RGS6: variants seen among roughly 807,000 people sequenced by gnomAD.
The protein encoded by RGS6 is regulator of G protein signaling 6.
Under a neutral mutation model 78.5 loss-of-function variants are expected in RGS6, and 30 were observed. The observed-to-expected ratio is 0.38, with a 90% CI of 0.29 to 0.52. RGS6 has a LOEUF of 0.52. Ranked by LOEUF, RGS6 falls within the 20% of genes least tolerant of loss-of-function variation. The probability of loss-of-function intolerance (pLI) is 0.85; values close to 1 mark genes in which losing one functional copy is unlikely to be tolerated. For missense variants in RGS6, 495 were observed against 609.7 expected (o/e 0.81, Z 1.98); for synonymous variants, 206 against 206.0 (o/e 1.00, Z 0.00).
chr14:71,902,343 C>T, the RGS6 span, among the ~76,000 whole-genome samples: 2 of 152,152 alleles, frequency 1.3e-5, no homozygotes, highest in African/African-American at 4.8e-5. Context: ...TCCATAGTCA[C>T]TTGAATGATG....
the RGS6 span, among the ~76,000 whole-genome samples, chr14:72,581,842 G>T: frequency 1.3e-5 from 2 of 152,158 alleles, no homozygotes; most frequent in East Asian, 1.9e-4. Flanking sequence ...TCTGTTTTGT[G>T]TTGCTATAAC....
chr14:72,548,736 C>T (rs868180592), intron 17 of RGS6, among the ~76,000 whole-genome samples: 1 of 152,142 alleles, frequency 6.6e-6, no homozygotes, highest in South Asian at 2.1e-4. Flanking sequence ...TGATGGCCAC[C>T]GTGAGCTCTT....
At chr14:72,548,429 G>GT (rs921866863) in intron 17 of RGS6, among the ~76,000 whole-genome samples, 3 of 149,996 alleles carry the variant, frequency 2.0e-5, no homozygotes, top group African/African-American at 7.4e-5. Context: ...TAAAAATCAA[G>GT]TTTAAAAAAA....
chr14:72,065,820 G>A (rs915510160), intron 2 of RGS6, among the ~76,000 whole-genome samples: 1 of 151,736 alleles, frequency 6.6e-6, no homozygotes, highest in East Asian at 1.9e-4. Flanking sequence ...TGTGCACAAT[G>A]TGCAGGTTAG....
intron 2 of RGS6, among the ~76,000 whole-genome samples, chr14:72,342,975 G>A (rs1390742602): frequency 6.6e-6 from 1 of 152,150 alleles, no homozygotes; most frequent in Non-Finnish European, 1.5e-5. Flanking sequence ...AGAGTTTGGG[G>A]AAATCCACCC....
Position 72,012,625 on chromosome 14 carries a change from G to A in RGS6, c.84+47750G>A, listed in dbSNP as rs2086013207. Reference sequence around the variant, plus strand: ...ACCATACATATCTGTGATGTTTCCTGACAAGATTCCTAAAAGTAGCACCTT... The same window carrying A: ...ACCATACATATCTGTGATGTTTCCTAACAAGATTCCTAAAAGTAGCACCTT... On this transcript the variant is annotated intron_variant, in intron 2 of 17. Transcript: ENST00000553525. Among the ~76,000 whole-genome samples the A allele has an allele frequency of 2.0e-5, 3 of 152,152 alleles. No individual in the cohort carries two copies. The South Asian group carries it at 6.2e-4, about 32-fold the overall frequency.
intron 2 of RGS6, among the ~76,000 whole-genome samples, chr14:72,103,709 A>C (rs2095573104): frequency 6.6e-6 from 1 of 152,236 alleles, no homozygotes; most frequent in Non-Finnish European, 1.5e-5. Flanking sequence ...GCTTGTTCCC[A>C]CAGTGGAGAC....
At chr14:72,224,589 G>C (rs1348362007) in intron 2 of RGS6, among the ~76,000 whole-genome samples, 1 of 152,054 alleles carries the variant, frequency 6.6e-6, no homozygotes. Context: ...AAGAATCATG[G>C]ATATGCTCAA....
chr14:72,156,797 G>C (rs780686654), intron 2 of RGS6, among the ~76,000 whole-genome samples: 1 of 152,182 alleles, frequency 6.6e-6, no homozygotes, highest in African/African-American at 2.4e-5. Context: ...CCTGATTGGC[G>C]TGCCCACACT....
At position 72,540,888 on chromosome 14, in the gene RGS6, A is replaced by G. The variant is rs190032905; in HGVS notation, c.1422+794A>G. On this transcript the variant is annotated intron_variant, in intron 17 of 17. Transcript: ENST00000553525. ...GCTCCCCACAGTGGCACATAAAGACAGCCGTGGCAACAGGTGGGAGTGGGG... is the reference window on the plus strand; with the variant it reads ...GCTCCCCACAGTGGCACATAAAGACGGCCGTGGCAACAGGTGGGAGTGGGG... 1,493 of 985,422 alleles carry G rather than the reference A, an allele frequency of 1.5e-3. 3 individuals are homozygous for G. Among genetic ancestry groups the G allele is most frequent in the Non-Finnish European group, 1.7e-3 (1,435 of 829,926 alleles). The allele number at this position is 985,422 out of a possible 1,614,324, so 61.0% of individuals were successfully genotyped here. A position where few individuals can be genotyped will look rare whatever the true frequency, so the allele number is the denominator to read the frequency against.
intron 9 of RGS6, chr14:72,474,132 T>A (rs1255258108): frequency 6.6e-6 from 1 of 152,432 alleles, no homozygotes; most frequent in Non-Finnish European, 1.5e-5. Context: ...GCAGGCAAAT[T>A]CACAAATGCA....
intron 6 of RGS6, among the ~76,000 whole-genome samples, chr14:72,464,277 C>G (rs1206503911): frequency 6.6e-6 from 1 of 152,174 alleles, no homozygotes; most frequent in Non-Finnish European, 1.5e-5. Context: ...TTCATAGAAG[C>G]AACACTCTCT....
At chr14:72,036,957 G>A (rs2091799549) in intron 2 of RGS6, among the ~76,000 whole-genome samples, 1 of 152,150 alleles carries the variant, frequency 6.6e-6, no homozygotes, top group Non-Finnish European at 1.5e-5. Flanking sequence ...ATTGAGAGGT[G>A]TAGCCAGCTG....
At chr14:72,618,572 A>C in the RGS6 span, among the ~76,000 whole-genome samples, 1 of 152,172 alleles carries the variant, frequency 6.6e-6, no homozygotes, top group African/African-American at 2.4e-5. Flanking sequence ...ATGGATAACA[A>C]GTACTGACTG....
chr14:72,006,416 T>G (rs1284146060), intron 2 of RGS6, among the ~76,000 whole-genome samples: 1 of 152,076 alleles, frequency 6.6e-6, no homozygotes, highest in African/African-American at 2.4e-5. Context: ...CAAGATTAGG[T>G]TTTGAAAGAC....
intron 2 of RGS6, among the ~76,000 whole-genome samples, chr14:72,349,174 T>C (rs959254203): frequency 2.6e-5 from 4 of 152,112 alleles, no homozygotes; most frequent in Non-Finnish European, 5.9e-5. Context: ...TCAAAAAATA[T>C]ATATAAAATA....
Position 72,055,356 on chromosome 14 carries a change from T to G in RGS6, c.84+90481T>G, listed in dbSNP as rs191051220. ...TGTGTTTATAAATCTACTGATATAC[T>G]TCTTAAGTATTTTATCTATCCCTTA... On this transcript the variant is annotated intron_variant, in intron 2 of 17. Transcript: ENST00000553525. Among the ~76,000 whole-genome samples, 7 of 152,320 alleles carry G rather than the reference T, an allele frequency of 4.6e-5. No homozygotes were observed. The East Asian group carries it at 1.3e-3, about 29-fold the overall frequency.
At chr14:72,325,805 A>G (rs2073585735) in intron 2 of RGS6, among the ~76,000 whole-genome samples, 1 of 152,180 alleles carries the variant, frequency 6.6e-6, no homozygotes, top group Non-Finnish European at 1.5e-5. Context: ...CTCACAATAA[A>G]TGTATATTAA....
chr14:72,413,557 C>T (rs559332991), intron 3 of RGS6, among the ~76,000 whole-genome samples: 2 of 152,238 alleles, frequency 1.3e-5, no homozygotes, highest in Middle Eastern at 3.4e-3. Flanking sequence ...GAGCATTTAG[C>T]CCATTTACAT....
Sources: allele counts gnomAD v4.1 joint callset (sites outside exome capture counted in the v4.1 genomes callset), GRCh38; gene constraint gnomAD v4.1.1; transcripts MANE v1.5; gene names NCBI Gene and HGNC (gene_info 2026-07-23, HGNC 2026-07-21).